The following SLC9A7 variants were observed in gnomAD, a reference collection of about 807,000 sequenced individuals.
SLC9A7 encodes the protein sodium/hydrogen exchanger 7.
In SLC9A7, 19 loss-of-function variants were observed where a neutral mutation model predicts 52.6. The observed-to-expected ratio is 0.36, with a 90% CI of 0.25 to 0.53. The LOEUF is 0.53. Ranked by LOEUF, SLC9A7 falls within the 20% of genes least tolerant of loss-of-function variation. The probability of loss-of-function intolerance (pLI) is 0.91; values close to 1 mark genes in which losing one functional copy is unlikely to be tolerated. For missense variants in SLC9A7, 455 were observed against 597.9 expected, an observed-to-expected ratio of 0.76 and a Z score of 2.49; for synonymous variants, 226 against 252.1, an observed-to-expected ratio of 0.90 and a Z score of 0.98.
intron 13 of SLC9A7, among the ~76,000 whole-genome samples, chrX:46,633,355 A>C (rs1347319143): frequency 3.4e-5 from 3 of 88,997 alleles, no homozygotes; most frequent in Admixed American, 1.3e-4. Flanking sequence ...AAAAAAAAAA[A>C]AAAAAAAAAA....
In SLC9A7 at chrX:46,718,261, T is replaced by C. The variant is rs1485588283; in HGVS notation, c.326-35726A>G. ...CTAGCCATATGTAGAAAGCTGAAAC[T>C]GGATCCCTTCCTTACACCTTATACA... On this transcript the variant is annotated intron_variant, in intron 1 of 16. Coordinates refer to ENST00000616978, the MANE Select transcript of SLC9A7 (RefSeq NM_001257291.2). Among the ~76,000 whole-genome samples the C allele has an allele frequency of 7.1e-5, 8 of 111,925 alleles. No homozygotes were observed. In the Admixed American group the frequency reaches 7.6e-4, roughly 11 times the overall value.
chrX:46,641,097 C>T lies in SLC9A7; in HGVS notation c.1616+2139G>A, dbSNP rs1198668324. ...ACCTACACAAGAATATTCACAGTGG[C>T]TTTATTTATAATAGCCTAAAACTTG... On this transcript the variant is annotated intron_variant, in intron 12 of 16. Transcript: ENST00000616978. Among the ~76,000 whole-genome samples the T allele has an allele frequency of 5.3e-5, 6 of 112,865 alleles. No individual in the cohort carries two copies. In the East Asian group the frequency reaches 1.4e-3, roughly 26 times the overall value.
In SLC9A7 at chrX:46,606,861, G is replaced by T; in HGVS notation, c.*91C>A. 1 of 1,182,420 alleles carries T rather than the reference G, an allele frequency of 8.5e-7. No homozygotes were observed. The highest frequency in any genetic ancestry group is 1.1e-6 in the Non-Finnish European group (1 of 879,041). ...AAAATAGAAGAGTTAGTTCAATCTA[G>T]TCACTGCCCCACCTCCAACAACACT... On this transcript the variant is annotated 3_prime_UTR_variant, in exon 17 of 17. Transcript: ENST00000616978.
At chrX:46,758,255 C>T (rs1476366726) in intron 1 of SLC9A7, among the ~76,000 whole-genome samples, 1 of 111,382 alleles carries the variant, frequency 9.0e-6, no homozygotes, top group African/African-American at 3.3e-5. Context: ...AGAGGCCCCA[C>T]TAACCCATAC....
Position 46,631,657 on chromosome X carries a change from T to A in SLC9A7, c.1677-8A>T. 1 of 1,199,280 alleles carries A rather than the reference T, an allele frequency of 8.3e-7. No homozygotes were observed. The highest frequency in any genetic ancestry group is 1.8e-5 in the South Asian group (1 of 56,101). Reference sequence around the variant, plus strand: ...TCGGGGTCAACACCAACTCTGAAAGTCACCAGGGAGAAAGACAAAGAGAAA... The same window carrying A: ...TCGGGGTCAACACCAACTCTGAAAGACACCAGGGAGAAAGACAAAGAGAAA... On this transcript the variant is annotated splice_region_variant and splice_polypyrimidine_tract_variant and intron_variant, in intron 13 of 16. Coordinates refer to ENST00000616978, the MANE Select transcript of SLC9A7 (RefSeq NM_001257291.2).
At chrX:46,669,575 A>G (rs762474908) in intron 5 of SLC9A7, 32 bp downstream of exon 5, 10 of 791,348 alleles carry the variant, frequency 1.3e-5, no homozygotes, top group Non-Finnish European at 1.6e-5. Flanking sequence ...GGAATATCAT[A>G]ATAATAAAGA....
intron 1 of SLC9A7, among the ~76,000 whole-genome samples, chrX:46,749,995 C>A (rs751954434): frequency 3.2e-3 from 351 of 109,978 alleles, no homozygotes; most frequent in Non-Finnish European, 5.1e-3. Flanking sequence ...GTAGGAGAAT[C>A]GCTTGAACCC....
intron 1 of SLC9A7, chrX:46,725,212 T>C: frequency 1.0e-6 from 1 of 986,005 alleles, no homozygotes. Context: ...ACTCCATCCT[T>C]GTTTTTCGTA....
intron 3 of SLC9A7, among the ~76,000 whole-genome samples, chrX:46,673,969 G>A (rs1441176678): frequency 4.5e-5 from 5 of 111,823 alleles, no homozygotes; most frequent in South Asian, 3.7e-4. Flanking sequence ...GTTTTTAATC[G>A]AATGCATTTA....
intron 14 of SLC9A7, among the ~76,000 whole-genome samples, chrX:46,621,777 G>A (rs1201632740): frequency 1.8e-5 from 2 of 112,335 alleles, no homozygotes; most frequent in African/African-American, 3.2e-5. Flanking sequence ...TCTGTTCTGT[G>A]CAAGTATCAG....
At chrX:46,662,493 A>C (rs1292522968) in intron 6 of SLC9A7, 45 bp downstream of exon 6, 2 of 986,494 alleles carry the variant, frequency 2.0e-6, no homozygotes, top group African/African-American at 3.8e-5. Flanking sequence ...CAAAGCATAG[A>C]GGAAACTGGG....
intron 15 of SLC9A7, among the ~76,000 whole-genome samples, chrX:46,615,128 C>T (rs769917356): frequency 8.9e-5 from 10 of 111,918 alleles, no homozygotes; most frequent in Non-Finnish European, 1.7e-4. Flanking sequence ...CTGCAACCTC[C>T]GCCTCCCAGA....
At chrX:46,645,992 A>T (rs1461327251) in intron 11 of SLC9A7, among the ~76,000 whole-genome samples, 1 of 112,457 alleles carries the variant, frequency 8.9e-6, no homozygotes, top group Non-Finnish European at 1.9e-5. Context: ...TTTTTTTGTA[A>T]AATAAATGCA....
chrX:46,624,176 A>G (rs1279923972), intron 14 of SLC9A7, among the ~76,000 whole-genome samples: 1 of 112,154 alleles, frequency 8.9e-6, no homozygotes, highest in Non-Finnish European at 1.9e-5. Flanking sequence ...GGTAATGGTA[A>G]AAGTTGTGTT....
At chrX:46,706,617 A>G (rs1233429688) in intron 1 of SLC9A7, among the ~76,000 whole-genome samples, 3 of 101,272 alleles carry the variant, frequency 3.0e-5, no homozygotes, top group Non-Finnish European at 6.0e-5. Flanking sequence ...AACAGATCCA[A>G]GAGTAAGTCT....
chrX:46,703,024 T>C (rs895920721), intron 1 of SLC9A7, among the ~76,000 whole-genome samples: 2 of 112,676 alleles, frequency 1.8e-5, no homozygotes, highest in African/African-American at 6.5e-5. Flanking sequence ...ATTGCTCAAA[T>C]GATCAGTGAT....
At chrX:46,725,161 A>C (rs1944922468) in intron 1 of SLC9A7, 1 of 749,792 alleles carries the variant, frequency 1.3e-6, no homozygotes, top group African/African-American at 2.1e-5. Context: ...ATGCCAATCT[A>C]TGAAGTAGGG....
intron 1 of SLC9A7, among the ~76,000 whole-genome samples, chrX:46,711,649 G>A (rs1254357542): frequency 9.0e-6 from 1 of 111,371 alleles, no homozygotes; most frequent in Non-Finnish European, 1.9e-5. Context: ...GGAAGCAGGT[G>A]TAGCTGCTGG....
chrX:46,701,953 C>A (rs1377400788), intron 1 of SLC9A7, among the ~76,000 whole-genome samples: 2 of 111,704 alleles, frequency 1.8e-5, no homozygotes, highest in African/African-American at 6.5e-5. Context: ...CCAAGTCCTT[C>A]GATTCCCATA....
Sources: allele counts gnomAD v4.1 joint callset (sites outside exome capture counted in the v4.1 genomes callset), GRCh38; gene constraint gnomAD v4.1.1; transcripts MANE v1.5; gene names NCBI Gene and HGNC (gene_info 2026-07-23, HGNC 2026-07-21).